SRGAP2: variants seen among roughly 807,000 people sequenced by gnomAD.
SRGAP2 encodes SLIT-ROBO Rho GTPase activating protein 2.
A neutral mutation model predicts 57.2 loss-of-function variants in SRGAP2; 15 were observed. That is an observed-to-expected ratio of 0.26 (90% CI 0.18 to 0.40). The LOEUF is 0.40. Among genes scored for constraint, SRGAP2 ranks in the 10% least tolerant of loss-of-function variants. The pLI is 1.00. For missense variants in SRGAP2, 520 were observed against 669.6 expected, an observed-to-expected ratio of 0.78 and a Z score of 2.47; for synonymous variants, 249 against 248.0, an observed-to-expected ratio of 1.00 and a Z score of -0.04.
At chr1:206,384,449 G>A (rs559977850) in intron 5 of SRGAP2, among the ~76,000 whole-genome samples, 101 of 150,184 alleles carry the variant, frequency 6.7e-4, no homozygotes, top group South Asian at 4.2e-4. Context: ...TGTGCCTGTC[G>A]GAAAGCCTTT....
chr1:206,230,722 G>A (rs1667583116), intron 2 of SRGAP2, among the ~76,000 whole-genome samples: 1 of 140,528 alleles, frequency 7.1e-6, no homozygotes, highest in South Asian at 2.3e-4. Flanking sequence ...CACCTCCCGG[G>A]TTCAAGCAAT....
chr1:206,279,590 T>C (rs1191578844), intron 2 of SRGAP2, among the ~76,000 whole-genome samples: 12 of 113,212 alleles, frequency 1.1e-4, no homozygotes, highest in Non-Finnish European at 1.9e-4. Context: ...TATTTTTTTT[T>C]TTTTTTTTTG....
chr1:206,392,988 G>T, intron 6 of SRGAP2, 84 bp downstream of exon 6: 1 of 716,786 alleles, frequency 1.4e-6, no homozygotes. Context: ...TAGTCACTGG[G>T]AAGAGCAGAC....
chr1:206,377,486 T>TA (rs1157365297), intron 4 of SRGAP2, among the ~76,000 whole-genome samples: 2 of 127,374 alleles, frequency 1.6e-5, no homozygotes, highest in Non-Finnish European at 3.3e-5. Flanking sequence ...ATCAGATTTT[T>TA]TTTTTTTTTT....
intron 2 of SRGAP2, among the ~76,000 whole-genome samples, chr1:206,249,289 A>T (rs1184162832): frequency 6.6e-6 from 1 of 151,828 alleles, no homozygotes; most frequent in African/African-American, 2.4e-5. Flanking sequence ...AGACACATGC[A>T]TACATATGTT....
intron 4 of SRGAP2, among the ~76,000 whole-genome samples, chr1:206,346,448 A>G (rs1675635683): frequency 6.6e-6 from 1 of 152,246 alleles, no homozygotes; most frequent in Non-Finnish European, 1.5e-5. Flanking sequence ...AAGGACAAAC[A>G]AAAGTGGATA....
chr1:206,456,296 G>C (rs1292229792), intron 21 of SRGAP2: 1 of 152,062 alleles, frequency 6.6e-6, no homozygotes, highest in East Asian at 1.9e-4. Context: ...ACTCAGTGTA[G>C]TTATAATTTA....
chr1:206,229,859 C>T (rs1339895866), intron 2 of SRGAP2, among the ~76,000 whole-genome samples: 1 of 151,380 alleles, frequency 6.6e-6, no homozygotes, highest in Middle Eastern at 3.2e-3. Context: ...GCTGTGGAGG[C>T]AGTCTACAAC....
intron 18 of SRGAP2, among the ~76,000 whole-genome samples, chr1:206,447,918 C>G (rs1662907285): frequency 1.1e-5 from 1 of 90,848 alleles, no homozygotes; most frequent in South Asian, 3.6e-4. Flanking sequence ...AACCTACCCA[C>G]CTGTTTCTTG....
rs573125520 is a variant in SRGAP2, at chr1:206,309,397, A to G, written c.260+5924A>G. Among the ~76,000 whole-genome samples, 192 of 150,880 alleles carry G rather than the reference A, an allele frequency of 1.3e-3. 1 individual carries two copies. Among genetic ancestry groups the G allele is most frequent in the Non-Finnish European group, 2.0e-3 (137 of 67,778 alleles). On this transcript the variant is annotated intron_variant, in intron 3 of 22. Coordinates refer to ENST00000573034, the MANE Select transcript of SRGAP2 (RefSeq NM_015326.5). ...GGGTCCTCTGGGTTCTTAGGTGGGG[A>G]GAGAGACACGAGGAAAACAGAAGGC...
intron 2 of SRGAP2, among the ~76,000 whole-genome samples, chr1:206,262,551 C>A (rs561090112): frequency 3.0e-4 from 45 of 150,740 alleles, no homozygotes; most frequent in Middle Eastern, 3.4e-3. Flanking sequence ...GCCATGGCAA[C>A]TTGGGAATTC....
At chr1:206,350,931 T>G (rs1336007274) in intron 4 of SRGAP2, among the ~76,000 whole-genome samples, 12 of 152,042 alleles carry the variant, frequency 7.9e-5, no homozygotes, top group Non-Finnish European at 8.8e-5. Flanking sequence ...CATGTCCTTT[T>G]GCCATTAGTG....
intron 2 of SRGAP2, among the ~76,000 whole-genome samples, chr1:206,289,021 T>TAAG (rs1339632894): frequency 2.5e-5 from 1 of 39,644 alleles, no homozygotes; most frequent in East Asian, 5.6e-4. Flanking sequence ...GTGAGTCTCT[T>TAAG]AAGCCTTTTT....
chr1:206,237,397 T>C (rs1303654756), intron 2 of SRGAP2, among the ~76,000 whole-genome samples: 1 of 152,222 alleles, frequency 6.6e-6, no homozygotes. Flanking sequence ...GTTGACTTTC[T>C]TTCATAAATT....
intron 3 of SRGAP2, among the ~76,000 whole-genome samples, chr1:206,327,323 G>A (rs1270941326): frequency 1.1e-4 from 16 of 147,868 alleles, no homozygotes; most frequent in East Asian, 3.9e-4. Flanking sequence ...GCGAAACTCC[G>A]TCTCAAAAAA....
chr1:206,388,235 TTACATCCC>T (rs1553349113), intron 5 of SRGAP2, among the ~76,000 whole-genome samples: 1 of 152,162 alleles, frequency 6.6e-6, no homozygotes, highest in African/African-American at 2.4e-5. Flanking sequence ...CCCCCTAAAT[TTACATCCC>T]CTTGGCTTGG....
rs192655381 is a variant in SRGAP2 at position 206,427,540 on chromosome 1, C to A, written c.1495-2622C>A. On this transcript the variant is annotated intron_variant, in intron 13 of 22. Transcript: ENST00000573034. ...TCCCAGAAAGCTTGAGAGGTAGAGG[C>A]TAAGCCAGCTTTTCTCTCAGCCTGA... Among the ~76,000 whole-genome samples, 16 of 152,304 alleles carry A rather than the reference C, an allele frequency of 1.1e-4. No homozygotes were observed. In the East Asian group the frequency reaches 3.1e-3, roughly 29 times the overall value.
At chr1:206,381,097 C>G (rs1288171321) in intron 4 of SRGAP2, among the ~76,000 whole-genome samples, 5 of 152,210 alleles carry the variant, frequency 3.3e-5, no homozygotes, top group African/African-American at 1.2e-4. Context: ...CTTCAGCAGC[C>G]TGTTCAAATA....
At chr1:206,317,730 TAGAG>T (rs1176238210) in intron 3 of SRGAP2, among the ~76,000 whole-genome samples, 2 of 140,398 alleles carry the variant, frequency 1.4e-5, no homozygotes, top group Non-Finnish European at 3.0e-5. Context: ...ACGAAAGATT[TAGAG>T]AGAATGAAAA....
Sources: gnomAD v4.1 joint callset for allele counts (sites outside exome capture counted in the v4.1 genomes callset) on GRCh38, gnomAD v4.1.1 for gene constraint, MANE v1.5 for transcripts, NCBI Gene and HGNC (gene_info 2026-07-23, HGNC 2026-07-21) for gene names.